CDC42BPB: variants seen among roughly 807,000 people sequenced by gnomAD.
The protein encoded by CDC42BPB is serine/threonine-protein kinase MRCK beta.
Under a neutral mutation model 214.9 loss-of-function variants are expected in CDC42BPB, and 37 were observed. That is an observed-to-expected ratio of 0.17 (90% CI 0.13 to 0.23). The LOEUF (loss-of-function observed/expected upper bound fraction) is 0.23. Among genes scored for constraint, CDC42BPB ranks in the 10% least tolerant of loss-of-function variants. CDC42BPB has a pLI of 1.00. For synonymous variants in CDC42BPB, 931 were observed against 884.0 expected (o/e 1.05, Z -0.94); for missense variants, 1,694 against 2,227.0 (o/e 0.76, Z 4.82).
intron 1 of CDC42BPB, among the ~76,000 whole-genome samples, chr14:103,013,152 C>G (rs1257567291): frequency 6.6e-6 from 1 of 152,168 alleles, no homozygotes; most frequent in Non-Finnish European, 1.5e-5. Context: ...GATGGGTGCC[C>G]AAAGCCCACG....
intron 34 of CDC42BPB, 87 bp downstream of exon 34, chr14:102,939,523 T>C (rs967749366): frequency 6.2e-6 from 6 of 966,012 alleles, no homozygotes; most frequent in Non-Finnish European, 1.0e-5. Context: ...AGGCACTGCC[T>C]TTGGGACAGT....
At chr14:103,041,820 G>A in intron 1 of CDC42BPB, 1 of 412,282 alleles carries the variant, frequency 2.4e-6, no homozygotes, top group African/African-American at 2.1e-5. Context: ...GGCTGAAGGA[G>A]CACCACTCCA....
chr14:102,958,655 T>C (rs943999554), intron 21 of CDC42BPB, among the ~76,000 whole-genome samples: 5 of 151,926 alleles, frequency 3.3e-5, no homozygotes, highest in Admixed American at 3.3e-4. Flanking sequence ...ACTCGACAGC[T>C]AATTCCCAAG....
chr14:102,940,412 A>ACTT (rs1417196679), intron 30 of CDC42BPB, 88 bp from the exon 31 acceptor site: 14 of 1,540,512 alleles, frequency 9.1e-6, no homozygotes, highest in Non-Finnish European at 1.2e-5. Flanking sequence ...TGGCACTTGA[A>ACTT]CAAGTGCAGA....
intron 5 of CDC42BPB, among the ~76,000 whole-genome samples, chr14:102,993,116 C>T (rs1288023605): frequency 6.6e-6 from 1 of 152,178 alleles, no homozygotes; most frequent in South Asian, 2.1e-4. Context: ...AGGCGTGAGC[C>T]ACTGCACCTG....
intron 1 of CDC42BPB, among the ~76,000 whole-genome samples, chr14:103,014,867 C>T (rs1886366802): frequency 6.6e-6 from 1 of 151,760 alleles, no homozygotes. Flanking sequence ...AAAAACAAAA[C>T]AAAACAAAAA....
intron 1 of CDC42BPB, among the ~76,000 whole-genome samples, chr14:103,024,720 T>A (rs1256541528): frequency 6.6e-6 from 1 of 152,216 alleles, no homozygotes; most frequent in East Asian, 1.9e-4. Context: ...CCATTGCTAA[T>A]GGCAGCTTCC....
rs140219862 is a variant in CDC42BPB, at chr14:102,982,421, G to A, written c.891+1135C>T. Among the ~76,000 whole-genome samples the A allele has an allele frequency of 7.1e-4, 108 of 152,278 alleles. 1 individual carries two copies. The highest frequency in any genetic ancestry group is 2.2e-3 in the African/African-American group (93 of 41,568). On this transcript the variant is annotated intron_variant, in intron 7 of 36. Transcript: ENST00000361246. ...ATCTGTCATGTGCACAGGAGACAGC[G>A]GGGAGGGAAATGCTATGAGCACGCT...
intron 1 of CDC42BPB, among the ~76,000 whole-genome samples, chr14:103,020,317 C>T (rs55825853): frequency 2.6e-5 from 4 of 152,322 alleles, no homozygotes; most frequent in African/African-American, 7.2e-5. Flanking sequence ...GCCCCCGAGT[C>T]GTCAACTCCA....
At chr14:103,037,020 T>C (rs1428097055) in intron 1 of CDC42BPB, among the ~76,000 whole-genome samples, 1 of 152,130 alleles carries the variant, frequency 6.6e-6, no homozygotes, top group Non-Finnish European at 1.5e-5. Context: ...GGTTTCGCTA[T>C]GCTGCCCAGG....
intron 30 of CDC42BPB, chr14:102,941,565 C>A (rs926082741): frequency 1.2e-5 from 12 of 985,332 alleles, no homozygotes; most frequent in Non-Finnish European, 1.3e-5. Context: ...ACTCTCCACA[C>A]GGGCTTCTGG....
chr14:103,028,930 G>A (rs1192683497), intron 1 of CDC42BPB, among the ~76,000 whole-genome samples: 1 of 152,124 alleles, frequency 6.6e-6, no homozygotes, highest in Non-Finnish European at 1.5e-5. Context: ...GATCTGAGTT[G>A]CTGAAACCTT....
chr14:102,981,902 CAT>C, intron 7 of CDC42BPB, among the ~76,000 whole-genome samples: 1 of 152,158 alleles, frequency 6.6e-6, no homozygotes, highest in East Asian at 1.9e-4. Flanking sequence ...TAAACACACA[CAT>C]GCGCACGCAC....
chr14:102,956,782 T>C (rs996865343), intron 21 of CDC42BPB, among the ~76,000 whole-genome samples: 4 of 152,082 alleles, frequency 2.6e-5, no homozygotes, highest in Non-Finnish European at 5.9e-5. Context: ...TGAGCTATGA[T>C]GGTGGCACGG....
At chr14:102,935,561 G>A (rs111893001) in intron 36 of CDC42BPB, among the ~76,000 whole-genome samples, 7 of 152,186 alleles carry the variant, frequency 4.6e-5, no homozygotes, top group East Asian at 3.9e-4. Context: ...AGGCCAAGGC[G>A]GGCAGATCAC....
At chr14:102,973,453 T>C (rs34188407) in intron 12 of CDC42BPB, among the ~76,000 whole-genome samples, 1,906 of 152,334 alleles carry the variant, frequency 0.013, 48 homozygotes, top group African/African-American at 0.043. Context: ...ATGAAATTTA[T>C]AAACGAATTA....
chr14:102,987,788 A>ACACACACACACACACAC (rs1894312194), intron 5 of CDC42BPB, among the ~76,000 whole-genome samples: 6 of 140,760 alleles, frequency 4.3e-5, no homozygotes, highest in African/African-American at 1.6e-4. Context: ...CAAACACACA[A>ACACACACACACACACAC]ACACACACAC....
At chr14:102,985,705 CG>C (rs1566882457) in intron 6 of CDC42BPB, among the ~76,000 whole-genome samples, 1 of 152,214 alleles carries the variant, frequency 6.6e-6, no homozygotes, top group Non-Finnish European at 1.5e-5. Context: ...ATTGCTCTCT[CG>C]GAAAACTATT....
At position 103,057,278 on chromosome 14, in the gene CDC42BPB, G is replaced by A; in HGVS notation, c.-105C>T. 2.6e-6 allele frequency: 3 copies of A among 1,136,946 alleles called. No homozygotes were observed. The highest frequency in any genetic ancestry group is 4.4e-5 in the East Asian group (1 of 22,494). 70.4% of individuals were successfully genotyped at this position (1,136,946 alleles called of 1,614,324 possible). ...TCGGCGGCTGCGAGCCCCGGCAGCA[G>A]CGGCGCCTCCTCGCCGCCCCGTCCG... On this transcript the variant is annotated 5_prime_UTR_variant, in exon 1 of 37. Transcript: ENST00000361246.
Sources: gnomAD v4.1 joint callset for allele counts (sites outside exome capture counted in the v4.1 genomes callset) on GRCh38, gnomAD v4.1.1 for gene constraint, MANE v1.5 for transcripts, NCBI Gene and HGNC (gene_info 2026-07-23, HGNC 2026-07-21) for gene names.